DGKI: variants seen among roughly 807,000 people sequenced by gnomAD.
The protein encoded by DGKI is DAG kinase iota.
In DGKI, 55 loss-of-function variants were observed where a neutral mutation model predicts 147.5. The observed-to-expected ratio is 0.37, with a 90% confidence interval of 0.30 to 0.47. The LOEUF (loss-of-function observed/expected upper bound fraction) is 0.47, where lower values mean the gene tolerates loss of function less well. Among genes scored for constraint, DGKI ranks in the 20% least tolerant of loss-of-function variants. The pLI is 1.00. For synonymous variants in DGKI, 469 were observed against 477.1 expected (o/e 0.98, Z 0.22); for missense variants, 1,007 against 1,323.8 (o/e 0.76, Z 3.71).
chr7:137,623,080 G>A lies in DGKI; in HGVS notation c.876+403C>T, dbSNP rs371942776. On this transcript the variant is annotated intron_variant, in intron 7 of 32. Coordinates refer to ENST00000614521, the MANE Select transcript of DGKI (RefSeq NM_001321708.2). Reference sequence around the variant, plus strand: ...AGGATTCCTGTCCACCTGTGTTGGAGGGACCTCTTAGGTCATACGTTGCTT... The same window carrying A: ...AGGATTCCTGTCCACCTGTGTTGGAAGGACCTCTTAGGTCATACGTTGCTT... Among the ~76,000 whole-genome samples the A allele has an allele frequency of 1.9e-4, 29 of 152,278 alleles. 1 individual carries two copies. The South Asian group carries it at 5.2e-3, about 27-fold the overall frequency.
chr7:137,469,512 C>T lies in DGKI; in HGVS notation c.2443+38G>A, dbSNP rs1814797107. The T allele has an allele frequency of 5.6e-6, 9 of 1,609,110 alleles. No individual in the cohort carries two copies. The East Asian group carries it at 1.3e-4, about 24-fold the overall frequency. On this transcript the variant is annotated intron_variant, in intron 24 of 32. Coordinates refer to ENST00000614521, the MANE Select transcript of DGKI (RefSeq NM_001321708.2). Reference sequence around the variant, plus strand: ...ATTGATGCCTTGCTCTTCAACTTCCCCAACTCCCACGATACCCGCAAGAAA... The same window carrying T: ...ATTGATGCCTTGCTCTTCAACTTCCTCAACTCCCACGATACCCGCAAGAAA...
At chr7:137,743,833 A>T (rs1188310683) in intron 1 of DGKI, among the ~76,000 whole-genome samples, 2 of 151,958 alleles carry the variant, frequency 1.3e-5, no homozygotes, top group Admixed American at 6.6e-5. Flanking sequence ...AATACAAAAA[A>T]TTAGCTGGGC....
chr7:137,692,837 T>A (rs1464887893), intron 1 of DGKI, among the ~76,000 whole-genome samples: 1 of 152,098 alleles, frequency 6.6e-6, no homozygotes, highest in African/African-American at 2.4e-5. Flanking sequence ...TGGTTTTATG[T>A]CTACACACAT....
intron 20 of DGKI, among the ~76,000 whole-genome samples, chr7:137,535,930 A>G (rs1453022020): frequency 6.6e-6 from 1 of 152,082 alleles, no homozygotes; most frequent in Non-Finnish European, 1.5e-5. Flanking sequence ...AAAGACTTCA[A>G]ATTACTTAGT....
At chr7:137,534,233 C>T (rs914966638) in intron 20 of DGKI, among the ~76,000 whole-genome samples, 2 of 152,054 alleles carry the variant, frequency 1.3e-5, no homozygotes, top group African/African-American at 2.4e-5. Flanking sequence ...AGTTCTTATT[C>T]TAGTACTGGA....
chr7:137,754,509 G>C (rs1795620329), intron 1 of DGKI, among the ~76,000 whole-genome samples: 1 of 152,094 alleles, frequency 6.6e-6, no homozygotes, highest in East Asian at 1.9e-4. Flanking sequence ...ATGCAGCAAG[G>C]GACGTTTGTT....
intron 1 of DGKI, among the ~76,000 whole-genome samples, chr7:137,760,517 C>T (rs1011267134): frequency 1.3e-5 from 2 of 152,172 alleles, no homozygotes; most frequent in African/African-American, 2.4e-5. Context: ...CCCCCTACCC[C>T]ACTCTAGTCT....
intron 1 of DGKI, among the ~76,000 whole-genome samples, chr7:137,773,981 G>A (rs1229596611): frequency 1.3e-5 from 2 of 152,140 alleles, no homozygotes; most frequent in Admixed American, 1.3e-4. Context: ...GAAAAATCAT[G>A]TATCTAAATC....
intron 1 of DGKI, among the ~76,000 whole-genome samples, chr7:137,813,204 ACTG>A (rs1241745500): frequency 6.6e-6 from 1 of 152,222 alleles, no homozygotes; most frequent in Non-Finnish European, 1.5e-5. Flanking sequence ...TCTCATCAGC[ACTG>A]CTAAGACAAA....
At chr7:137,796,415 A>G (rs1159859048) in intron 1 of DGKI, among the ~76,000 whole-genome samples, 1 of 152,002 alleles carries the variant, frequency 6.6e-6, no homozygotes, top group Non-Finnish European at 1.5e-5. Context: ...CAGGAGAATC[A>G]CTTGAACCCA....
intron 3 of DGKI, among the ~76,000 whole-genome samples, chr7:137,677,092 C>T (rs553842371): frequency 6.6e-6 from 1 of 152,234 alleles, no homozygotes; most frequent in South Asian, 2.1e-4. Context: ...GCATTTTAGT[C>T]CAAACAGCTG....
At chr7:137,411,362 T>A (rs1449702600) in intron 29 of DGKI, among the ~76,000 whole-genome samples, 2 of 82,458 alleles carry the variant, frequency 2.4e-5, no homozygotes, top group African/African-American at 9.2e-5. Context: ...CATGTTTAGC[T>A]ATTAAAAAAC....
At chr7:137,607,540 A>G (rs1820224048) in intron 10 of DGKI, among the ~76,000 whole-genome samples, 1 of 152,198 alleles carries the variant, frequency 6.6e-6, no homozygotes, top group Non-Finnish European at 1.5e-5. Flanking sequence ...GCGCCCTAGG[A>G]AAGAGAGCTT....
chr7:137,730,436 T>C (rs916699294), intron 1 of DGKI, among the ~76,000 whole-genome samples: 1 of 152,092 alleles, frequency 6.6e-6, no homozygotes, highest in Non-Finnish European at 1.5e-5. Context: ...AGTCCTCTCT[T>C]GTTCCTCTCT....
intron 1 of DGKI, among the ~76,000 whole-genome samples, chr7:137,713,003 C>A: frequency 6.6e-6 from 1 of 152,154 alleles, no homozygotes; most frequent in East Asian, 1.9e-4. Context: ...ACAAAACACC[C>A]TAGAGCACAA....
chr7:137,760,089 G>C (rs1223118104), intron 1 of DGKI, among the ~76,000 whole-genome samples: 1 of 152,156 alleles, frequency 6.6e-6, no homozygotes. Context: ...TGTGCCTCCA[G>C]TCACAGAGGA....
chr7:137,633,161 G>A (rs1821192281), intron 6 of DGKI, among the ~76,000 whole-genome samples: 1 of 145,932 alleles, frequency 6.9e-6, no homozygotes, highest in Admixed American at 7.0e-5. Flanking sequence ...GTGGTGAGCT[G>A]AGATTGCGCC....
At chr7:137,715,981 A>T (rs1044039557) in intron 1 of DGKI, among the ~76,000 whole-genome samples, 3 of 152,212 alleles carry the variant, frequency 2.0e-5, no homozygotes, top group Admixed American at 6.5e-5. Context: ...GGTTACAAAA[A>T]GTCACCCACT....
At chr7:137,481,476 C>T (rs1815368978) in intron 23 of DGKI, among the ~76,000 whole-genome samples, 1 of 152,088 alleles carries the variant, frequency 6.6e-6, no homozygotes, top group South Asian at 2.1e-4. Flanking sequence ...GCTTGTAAAA[C>T]ATATTAGTTA....
Sources: allele counts gnomAD v4.1 joint callset (sites outside exome capture counted in the v4.1 genomes callset), GRCh38; gene constraint gnomAD v4.1.1; transcripts MANE v1.5; gene names NCBI Gene and HGNC (gene_info 2026-07-23, HGNC 2026-07-21).